The following MAGI3 variants were observed in gnomAD, a reference collection of about 807,000 sequenced individuals.
MAGI3 encodes the protein membrane-associated guanylate kinase, WW and PDZ domain-containing protein 3.
MAGI3 carries 43 observed loss-of-function variants against 121.8 expected under a neutral mutation model. The observed-to-expected ratio is 0.35, with a 90% CI of 0.28 to 0.46. MAGI3 has a LOEUF of 0.46. Ranked by LOEUF, MAGI3 falls within the 20% of genes least tolerant of loss-of-function variation. MAGI3 has a pLI of 1.00. For synonymous variants in MAGI3, 553 were observed against 639.3 expected (o/e 0.86, Z 2.04); for missense variants, 1,547 against 1,797.3 (o/e 0.86, Z 2.52).
chr1:113,536,460 A>G (rs1032582529), intron 1 of MAGI3, among the ~76,000 whole-genome samples: 1 of 152,088 alleles, frequency 6.6e-6, no homozygotes. Context: ...TTTTCCCCCT[A>G]CTTTTTCTGT....
intron 19 of MAGI3, among the ~76,000 whole-genome samples, 170 bp downstream of exon 19, chr1:113,673,635 G>A (rs964771188): frequency 2.6e-5 from 4 of 152,312 alleles, no homozygotes; most frequent in East Asian, 1.9e-4. Flanking sequence ...CTTTTCTAAC[G>A]CCCTGATGAT....
At chr1:113,539,812 A>G (rs188691868) in intron 1 of MAGI3, among the ~76,000 whole-genome samples, 129 of 146,362 alleles carry the variant, frequency 8.8e-4, no homozygotes, top group African/African-American at 3.3e-3. Context: ...TTTTTGAGAT[A>G]GGATCTCATT....
intron 16 of MAGI3, among the ~76,000 whole-genome samples, chr1:113,665,708 T>A (rs74749051): frequency 0.021 from 3,264 of 152,236 alleles, 116 homozygotes; most frequent in African/African-American, 0.074. Flanking sequence ...TTTAATAGAG[T>A]TTTAGAGTTC....
chr1:113,490,691 C>G (rs547576734), intron 1 of MAGI3, among the ~76,000 whole-genome samples: 1 of 152,194 alleles, frequency 6.6e-6, no homozygotes, highest in South Asian at 2.1e-4. Context: ...ATCTATCAAG[C>G]AAATGGAAAA....
intron 1 of MAGI3, among the ~76,000 whole-genome samples, chr1:113,433,241 AT>A (rs1015312967): frequency 6.6e-6 from 1 of 152,130 alleles, no homozygotes; most frequent in African/African-American, 2.4e-5. Flanking sequence ...AGGTGATGTG[AT>A]TCTACCTTCA....
intron 1 of MAGI3, among the ~76,000 whole-genome samples, chr1:113,481,740 G>T (rs1424118724): frequency 6.6e-6 from 1 of 152,032 alleles, no homozygotes; most frequent in Non-Finnish European, 1.5e-5. Flanking sequence ...TTTTGTATTT[G>T]TTTTTAGTTG....
chr1:113,563,899 G>A (rs984149679), intron 2 of MAGI3, among the ~76,000 whole-genome samples: 8 of 152,108 alleles, frequency 5.3e-5, no homozygotes, highest in Non-Finnish European at 8.8e-5. Flanking sequence ...CCATCCAGTG[G>A]GCTGTTACCA....
intron 1 of MAGI3, among the ~76,000 whole-genome samples, chr1:113,528,154 A>G (rs1219838456): frequency 2.0e-5 from 3 of 152,144 alleles, no homozygotes; most frequent in Non-Finnish European, 2.9e-5. Context: ...TTTATAGTCA[A>G]ATTTTCCCAG....
chr1:113,586,454 T>C (rs1474492217), intron 4 of MAGI3, among the ~76,000 whole-genome samples: 1 of 152,244 alleles, frequency 6.6e-6, no homozygotes, highest in Non-Finnish European at 1.5e-5. Context: ...TGTATATTTA[T>C]TGAGTTAATA....
chr1:113,596,302 G>T (rs1473623865), intron 6 of MAGI3, among the ~76,000 whole-genome samples: 1 of 152,116 alleles, frequency 6.6e-6, no homozygotes, highest in Non-Finnish European at 1.5e-5. Flanking sequence ...ATGGAAAAAT[G>T]AACCTCAATT....
chr1:113,391,253 G>A lies in MAGI3; in HGVS notation c.220G>A (p.Val74Ile), dbSNP rs1650790560. The A allele has an allele frequency of 1.0e-5, 16 of 1,579,854 alleles. No homozygotes were observed. The highest frequency in any genetic ancestry group is 1.4e-5 in the Non-Finnish European group (16 of 1,163,826). ...APSPGDVLLEVNGTPVSGLTN... is the reference protein window; with the variant it reads ...APSPGDVLLEINGTPVSGLTN... ...CAGCCCAGGCGATGTGCTGCTGGAG[G>A]TAAACGGGACGCCTGTCAGCGGGCT... The change falls in exon 1 of 21, where the codon GTA becomes ATA. Residue 74 changes from valine (V) to isoleucine (I), a missense_variant. By Grantham distance (29) the Val-to-Ile change is conservative. Transcript: ENST00000307546. The surrounding 1 kb of genome is among the most constrained non-coding windows in gnomAD (Gnocchi z 4.4).
At chr1:113,535,324 G>A (rs561543621) in intron 1 of MAGI3, among the ~76,000 whole-genome samples, 3 of 151,886 alleles carry the variant, frequency 2.0e-5, no homozygotes, top group African/African-American at 7.2e-5. Flanking sequence ...TCAATAGAAA[G>A]TTATGAAGAG....
At chr1:113,403,692 C>G (rs1651527246) in intron 1 of MAGI3, 1 of 152,078 alleles carries the variant, frequency 6.6e-6, no homozygotes, top group Non-Finnish European at 1.5e-5. Flanking sequence ...TGTTCATGAC[C>G]TTGTGTACAA....
At chr1:113,470,535 TA>T (rs200960802) in intron 1 of MAGI3, among the ~76,000 whole-genome samples, 232 of 151,662 alleles carry the variant, frequency 1.5e-3, no homozygotes, top group African/African-American at 5.1e-3. Context: ...GTAACTATAT[TA>T]AAAAAAAATT....
In MAGI3 at chr1:113,619,742, T is replaced by C; in HGVS notation, c.1083T>C (p.Leu361=). 1 of 1,611,644 alleles carries C rather than the reference T, an allele frequency of 6.2e-7. No individual in the cohort carries two copies. The highest frequency in any genetic ancestry group is 2.2e-5 in the East Asian group (1 of 44,788). The change falls in exon 8 of 21, where the codon CTT becomes CTC. Residue 361 remains leucine, a synonymous_variant. Transcript: ENST00000307546. The stretch of plus-strand genomic sequence containing the variant: ...ATTTTTCTGCATTCTACAGTCACCT[T>C]AACCAGAAAACCCAGTTTGAAAATC... ...PQYGTYYVDH[L]NQKTQFENPV... is the part of the protein sequence containing the mutation.
chr1:113,466,252 A>T (rs756442209), intron 1 of MAGI3, among the ~76,000 whole-genome samples: 1 of 152,180 alleles, frequency 6.6e-6, no homozygotes, highest in Non-Finnish European at 1.5e-5. Flanking sequence ...TGAAATAATC[A>T]TAGGGTTTTT....
At position 113,681,267 on chromosome 1, in the gene MAGI3, C is replaced by G. The variant is rs1648199401; in HGVS notation, c.3259C>G (p.Leu1087Val). 1 of 1,614,002 alleles carries G rather than the reference C, an allele frequency of 6.2e-7. No individual in the cohort carries two copies. Among genetic ancestry groups the G allele is most frequent in the East Asian group, 2.2e-5 (1 of 44,872 alleles). The change falls in exon 20 of 21, where the codon CTC becomes GTC. Residue 1087 changes from leucine to valine, a missense_variant. Physicochemically the swap from Leu to Val is conservative, Grantham distance 32. Coordinates refer to ENST00000307546, the MANE Select transcript of MAGI3 (RefSeq NM_001142782.2). ...AATCACACATACTCGAGCAATTGAG[C>G]TCATTCAGGCTGGTGGAAATAAAGT... ...QGITHTRAIELIQAGGNKVLL... is the reference protein window; with the variant it reads ...QGITHTRAIEVIQAGGNKVLL...
intron 6 of MAGI3, among the ~76,000 whole-genome samples, chr1:113,603,606 A>G (rs1174142598): frequency 6.6e-6 from 1 of 152,102 alleles, no homozygotes; most frequent in Non-Finnish European, 1.5e-5. Flanking sequence ...CCCAAAAGCA[A>G]ATGCAACAAA....
chr1:113,415,376 C>A (rs555663065), intron 1 of MAGI3, among the ~76,000 whole-genome samples: 1 of 152,020 alleles, frequency 6.6e-6, no homozygotes, highest in Non-Finnish European at 1.5e-5. Context: ...CCATTCCCCA[C>A]GCCTGATAGA....
Sources: allele counts gnomAD v4.1 joint callset (sites outside exome capture counted in the v4.1 genomes callset), GRCh38; gene constraint gnomAD v4.1.1; non-coding constraint Gnocchi (gnomAD v3.1); transcripts MANE v1.5; gene names NCBI Gene and HGNC (gene_info 2026-07-23, HGNC 2026-07-21).